RBPJ: variants seen among roughly 807,000 people sequenced by gnomAD.
RBPJ encodes the protein recombination signal binding protein for immunoglobulin kappa J region.
Under a neutral mutation model 67.8 loss-of-function variants are expected in RBPJ, and 9 were observed. That is an observed-to-expected ratio of 0.13 (90% confidence interval 0.08 to 0.23). The LOEUF (loss-of-function observed/expected upper bound fraction) is 0.23. Among genes scored for constraint, RBPJ ranks in the 10% least tolerant of loss-of-function variants. The probability of loss-of-function intolerance (pLI) is 1.00; values close to 1 mark genes in which losing one functional copy is unlikely to be tolerated. For missense variants in RBPJ, 305 were observed against 595.6 expected (o/e 0.51, Z 5.08); for synonymous variants, 198 against 203.3 (o/e 0.97, Z 0.22).
the RBPJ span, among the ~76,000 whole-genome samples, chr4:26,152,874 T>C: frequency 6.6e-6 from 1 of 152,256 alleles, no homozygotes; most frequent in Non-Finnish European, 1.5e-5. Flanking sequence ...CCCCAGTTTA[T>C]GACCAATCAT....
intron 1 of RBPJ, chr4:26,362,619 G>A (rs753490157): frequency 6.2e-7 from 1 of 1,613,892 alleles, no homozygotes; most frequent in Non-Finnish European, 8.5e-7. Flanking sequence ...ACCATGGCGT[G>A]GATTAAAAGG....
chr4:26,356,815 AG>A (rs1727432922), intron 1 of RBPJ, among the ~76,000 whole-genome samples: 1 of 152,244 alleles, frequency 6.6e-6, no homozygotes, highest in Non-Finnish European at 1.5e-5. Context: ...GACACTTAGA[AG>A]TGAAATTGCT....
At chr4:26,303,420 G>T (rs555596329) in intron 1 of RBPJ, among the ~76,000 whole-genome samples, 40 of 129,386 alleles carry the variant, frequency 3.1e-4, no homozygotes, top group African/African-American at 1.1e-3. Flanking sequence ...AGCTGTGATT[G>T]TGCCACTGCA....
chr4:26,425,131 C>T (rs1735507152), intron 7 of RBPJ: 1 of 242,704 alleles, frequency 4.1e-6, no homozygotes, highest in Non-Finnish European at 7.8e-6. Context: ...AATGTAGGAC[C>T]AAGTTTGCAA....
At chr4:26,222,560 T>A (rs1383323119) in intron 1 of RBPJ, among the ~76,000 whole-genome samples, 1 of 149,142 alleles carries the variant, frequency 6.7e-6, no homozygotes, top group East Asian at 1.9e-4. Flanking sequence ...CTGATTTGAT[T>A]TTTATACATT....
At chr4:26,385,001 C>T (rs1730749826) in intron 1 of RBPJ, among the ~76,000 whole-genome samples, 1 of 110,676 alleles carries the variant, frequency 9.0e-6, no homozygotes, top group Non-Finnish European at 1.9e-5. Flanking sequence ...CCCCTCTCCT[C>T]CCCTCCCCCC....
chr4:26,285,518 T>C (rs1224276133), intron 1 of RBPJ, among the ~76,000 whole-genome samples: 1 of 151,882 alleles, frequency 6.6e-6, no homozygotes, highest in Non-Finnish European at 1.5e-5. Flanking sequence ...TCTCTCTGCC[T>C]CAAAATTTTA....
chr4:26,414,691 C>T (rs1011674871), intron 3 of RBPJ, among the ~76,000 whole-genome samples: 1 of 152,016 alleles, frequency 6.6e-6, no homozygotes, highest in Non-Finnish European at 1.5e-5. Flanking sequence ...CTAGGCTTTG[C>T]AATAGATAAT....
At chr4:26,241,401 G>A (rs548680688) in intron 1 of RBPJ, among the ~76,000 whole-genome samples, 1 of 152,202 alleles carries the variant, frequency 6.6e-6, no homozygotes, top group South Asian at 2.1e-4. Flanking sequence ...GAAAATTCCA[G>A]GCAAACTCAG....
intron 2 of RBPJ, among the ~76,000 whole-genome samples, chr4:26,388,623 CTCTCAAATT>C (rs1345558728): frequency 1.3e-5 from 2 of 152,218 alleles, no homozygotes; most frequent in South Asian, 2.1e-4. Flanking sequence ...CTCTCTCTCT[CTCTCAAATT>C]AAATCTCTAA....
chr4:26,144,901 C>A, the RBPJ span, among the ~76,000 whole-genome samples: 6 of 152,124 alleles, frequency 3.9e-5, no homozygotes, highest in Non-Finnish European at 5.9e-5. Context: ...TGTCTTCACT[C>A]GAATTTATGT....
At chr4:26,254,954 GGCC>G (rs1720248744) in intron 1 of RBPJ, among the ~76,000 whole-genome samples, 1 of 133,544 alleles carries the variant, frequency 7.5e-6, no homozygotes, top group South Asian at 2.4e-4. Flanking sequence ...CACCGGCCTT[GGCC>G]TCCCAAAGTG....
Position 26,228,155 on chromosome 4 carries a change from G to T in RBPJ, c.-167+64541G>T, listed in dbSNP as rs181328012. On this transcript the variant is annotated intron_variant, in intron 1 of 4. Transcript: ENST00000512351. ...GTCTCACAGGTACTCTCATGAAAGC[G>T]AATCTGCCACAGGGGTTTATTTGTT... Among the ~76,000 whole-genome samples, 5 of 152,356 alleles carry T rather than the reference G, an allele frequency of 3.3e-5. No individual in the cohort carries two copies. The East Asian group carries it at 9.6e-4, about 29-fold the overall frequency.
intron 1 of RBPJ, among the ~76,000 whole-genome samples, chr4:26,312,122 C>CTTATT (rs961837964): frequency 3.3e-5 from 5 of 151,880 alleles, no homozygotes; most frequent in African/African-American, 7.2e-5. Context: ...CCAGGGCCTT[C>CTTATT]TTATTTTATT....
At chr4:26,119,153 C>T in the RBPJ span, among the ~76,000 whole-genome samples, 1 of 152,246 alleles carries the variant, frequency 6.6e-6, no homozygotes, top group Admixed American at 6.5e-5. Flanking sequence ...AAGGAAAGCC[C>T]CTAGCACAAG....
chr4:26,122,928 C>T, the RBPJ span, among the ~76,000 whole-genome samples: 1 of 152,046 alleles, frequency 6.6e-6, no homozygotes, highest in Non-Finnish European at 1.5e-5. Context: ...CATAGTCGGC[C>T]GACCCTCCTC....
At chr4:26,326,268 C>T (rs765734428) in intron 1 of RBPJ, among the ~76,000 whole-genome samples, 10 of 151,944 alleles carry the variant, frequency 6.6e-5, no homozygotes, top group African/African-American at 9.6e-5. Context: ...ATATTTTCAG[C>T]CACAAGCAAT....
chr4:26,227,337 C>T lies in RBPJ; in HGVS notation c.-167+63723C>T, dbSNP rs962109982. On this transcript the variant is annotated intron_variant, in intron 1 of 4. Transcript: ENST00000512351. ...CTGCCTCATCCTGGCTGTGGCAACCCGGCTAGTTGCCCAACATCTATGTAT... is the reference window on the plus strand; with the variant it reads ...CTGCCTCATCCTGGCTGTGGCAACCTGGCTAGTTGCCCAACATCTATGTAT... Among the ~76,000 whole-genome samples the T allele has an allele frequency of 6.6e-5, 10 of 152,282 alleles. No individual in the cohort carries two copies. The South Asian group carries it at 8.3e-4, about 13-fold the overall frequency.
intron 1 of RBPJ, among the ~76,000 whole-genome samples, chr4:26,359,488 C>T (rs1223265993): frequency 6.6e-6 from 1 of 151,216 alleles, no homozygotes; most frequent in Non-Finnish European, 1.5e-5. Context: ...ATGTCCGACC[C>T]TCTTCCTCGG....
Sources: allele counts gnomAD v4.1 joint callset (sites outside exome capture counted in the v4.1 genomes callset), GRCh38; gene constraint gnomAD v4.1.1; transcripts MANE v1.5; gene names NCBI Gene and HGNC (gene_info 2026-07-23, HGNC 2026-07-21).